The following USP16 variants were observed in gnomAD, a reference collection of about 807,000 sequenced individuals.
The protein encoded by USP16 is ubiquitin specific peptidase 16.
Under a neutral mutation model 95.9 loss-of-function variants are expected in USP16, and 77 were observed. The observed-to-expected ratio is 0.80, with a 90% CI of 0.67 to 0.97. The LOEUF (loss-of-function observed/expected upper bound fraction) is 0.97. Among genes scored for constraint, USP16 ranks in the 50% least tolerant of loss-of-function variants. The pLI is 0.00. For synonymous variants in USP16, 303 were observed against 318.2 expected (o/e 0.95, Z 0.51); for missense variants, 943 against 959.9 (o/e 0.98, Z 0.23).
chr21:29,032,418 G>A (rs1042901294), intron 3 of USP16, among the ~76,000 whole-genome samples: 1 of 152,074 alleles, frequency 6.6e-6, no homozygotes, highest in Non-Finnish European at 1.5e-5. Context: ...TTTTTCTAAA[G>A]ATGCGGTTTT....
rs2085452591 is a variant in USP16 at position 29,053,803 on chromosome 21, A to G, written c.2195A>G (p.Asn732Ser). ...LAPFCTLKCK[N>S]VAEENTRVLY... The stretch of plus-strand genomic sequence containing the variant: ...TTTGGATTCTACTCATTTTTAAAGA[A>G]TGTTGCAGAAGAAAATACAAGGGTA... Residue 732 changes from asparagine (N) to serine (S), a missense_variant and splice_region_variant, in exon 17 of 18, where the codon AAT (asparagine) becomes AGT (serine). By Grantham distance (46) the Asn-to-Ser change is conservative. Coordinates refer to ENST00000399976, the MANE Select transcript of USP16 (RefSeq NM_006447.3). The G allele has an allele frequency of 6.2e-7, 1 of 1,609,034 alleles. No homozygotes were observed. Among genetic ancestry groups the G allele is most frequent in the Non-Finnish European group, 8.5e-7 (1 of 1,178,692 alleles).
intron 12 of USP16, chr21:29,043,216 T>C (rs1040412375): frequency 1.5e-5 from 5 of 340,600 alleles, no homozygotes; most frequent in Non-Finnish European, 2.1e-5. Flanking sequence ...TTTTGCTGTT[T>C]TGTTGGTTTG....
intron 16 of USP16, among the ~76,000 whole-genome samples, chr21:29,050,887 CTTG>C (rs2085403457): frequency 6.6e-6 from 1 of 152,122 alleles, no homozygotes; most frequent in South Asian, 2.1e-4. Flanking sequence ...ACGTAGGTTA[CTTG>C]TTGATGTATG....
At chr21:29,035,566 G>A (rs983295626) in intron 4 of USP16, among the ~76,000 whole-genome samples, 4 of 151,628 alleles carry the variant, frequency 2.6e-5, no homozygotes, top group Non-Finnish European at 4.4e-5. Flanking sequence ...TAGAGACGGG[G>A]TTTCACCATG....
chr21:29,043,687 T>C, intron 13 of USP16, 88 bp downstream of exon 13: 1 of 1,224,374 alleles, frequency 8.2e-7, no homozygotes, highest in South Asian at 2.5e-5. Context: ...GTTAGACATG[T>C]CTGTTATTTT....
At chr21:29,028,998 C>T (rs1209675509) in intron 2 of USP16, among the ~76,000 whole-genome samples, 1 of 152,182 alleles carries the variant, frequency 6.6e-6, no homozygotes, top group Non-Finnish European at 1.5e-5. Flanking sequence ...AATTGCCATC[C>T]AGAAATGTTT....
chr21:29,050,485 G>T (rs2085397417), intron 16 of USP16, among the ~76,000 whole-genome samples: 1 of 152,158 alleles, frequency 6.6e-6, no homozygotes, highest in African/African-American at 2.4e-5. Context: ...TGTTAAGGCT[G>T]GTGAACATAG....
intron 8 of USP16, 42 bp from the exon 9 acceptor site, chr21:29,039,439 G>A (rs1185179670): frequency 1.3e-6 from 2 of 1,583,922 alleles, no homozygotes; most frequent in Non-Finnish European, 1.7e-6. Context: ...TCAGAGCTTA[G>A]TAGACTGAAG....
chr21:29,049,000 A>G (rs2085373194), intron 15 of USP16, 145 bp downstream of exon 15: 1 of 659,648 alleles, frequency 1.5e-6, no homozygotes, highest in Admixed American at 2.9e-5. Context: ...CAGAAAGGGA[A>G]AAACATAGGG....
At chr21:29,038,833 A>C (rs769242258) in intron 7 of USP16, among the ~76,000 whole-genome samples, 193 bp from the exon 8 acceptor site, 13 of 152,330 alleles carry the variant, frequency 8.5e-5, no homozygotes, top group Admixed American at 3.9e-4. Flanking sequence ...CTAAAACTAA[A>C]ATAGTAGAGC....
intron 9 of USP16, 90 bp downstream of exon 9, chr21:29,039,658 C>T: frequency 7.6e-7 from 1 of 1,307,476 alleles, no homozygotes; most frequent in Non-Finnish European, 1.0e-6. Flanking sequence ...ACAATGAAAG[C>T]TAGTTATTAA....
chr21:29,032,878 T>C (rs2085097645), intron 3 of USP16, among the ~76,000 whole-genome samples: 1 of 152,186 alleles, frequency 6.6e-6, no homozygotes, highest in Non-Finnish European at 1.5e-5. Context: ...CTCTACCTTT[T>C]ATATTCTTAC....
chr21:29,046,564 T>G, intron 13 of USP16, 103 bp from the exon 14 acceptor site: 1 of 1,185,696 alleles, frequency 8.4e-7, no homozygotes. Flanking sequence ...AAACTGGATA[T>G]AGTACATGTG....
At chr21:29,041,958 TTTAA>T (rs1224902641) in intron 10 of USP16, 51 bp from the exon 11 acceptor site, 6 of 1,465,868 alleles carry the variant, frequency 4.1e-6, no homozygotes, top group Non-Finnish European at 5.6e-6. Flanking sequence ...GCTTTTCTTG[TTTAA>T]TTAATTATAT....
chr21:29,031,183 C>A (rs1381923860), intron 3 of USP16, among the ~76,000 whole-genome samples: 1 of 152,156 alleles, frequency 6.6e-6, no homozygotes, highest in Non-Finnish European at 1.5e-5. Context: ...GATGGATGGA[C>A]TAGACTGTGA....
chr21:29,054,261 T>G lies in USP16; in HGVS notation c.*74T>G, dbSNP rs2085462132. The G allele has an allele frequency of 4.6e-6, 7 of 1,505,838 alleles. No homozygotes were observed. The highest frequency in any genetic ancestry group is 5.4e-6 in the Non-Finnish European group (6 of 1,104,142). 93.3% of individuals were successfully genotyped at this position (1,505,838 alleles called of 1,614,324 possible). A position where few individuals can be genotyped will look rare whatever the true frequency, so the allele number is the denominator to read the frequency against. On this transcript the variant is annotated 3_prime_UTR_variant, in exon 18 of 18. Transcript: ENST00000399976. ...GGCTGAAATAACGATAAAAAAAGACTAATTAAAATCATGTTCACTTAACAT... is the reference window on the plus strand; with the variant it reads ...GGCTGAAATAACGATAAAAAAAGACGAATTAAAATCATGTTCACTTAACAT...
At chr21:29,052,131 T>C (rs1464374179) in intron 16 of USP16, 1 of 152,186 alleles carries the variant, frequency 6.6e-6, no homozygotes, top group Admixed American at 6.5e-5. Context: ...ATTTTGATTC[T>C]GTAGGTCTAG....
At chr21:29,037,578 ACTTT>A in intron 6 of USP16, 115 bp downstream of exon 6, 42 of 642,224 alleles carry the variant, frequency 6.5e-5, no homozygotes, top group Non-Finnish European at 8.7e-5. Context: ...TCCAAAGAAA[ACTTT>A]TTTTTTTTTT....
chr21:29,053,630 C>T, intron 16 of USP16, 172 bp from the exon 17 acceptor site: 1 of 578,926 alleles, frequency 1.7e-6, no homozygotes, highest in East Asian at 3.1e-5. Context: ...ATAATAAAAA[C>T]AGAAGTGTCT....
Sources: gnomAD v4.1 joint callset for allele counts (sites outside exome capture counted in the v4.1 genomes callset) on GRCh38, gnomAD v4.1.1 for gene constraint, MANE v1.5 for transcripts, NCBI Gene and HGNC (gene_info 2026-07-23, HGNC 2026-07-21) for gene names.